Variants in ACBD6 observed in about 807,000 individuals in gnomAD.
ACBD6 encodes the protein acyl-CoA binding domain containing 6.
A neutral mutation model predicts 37.2 loss-of-function variants in ACBD6; 28 were observed. The ratio of observed to expected loss-of-function variants is 0.75; its 90% CI spans 0.56 to 1.03. The LOEUF (loss-of-function observed/expected upper bound fraction) is 1.03, where lower values mean the gene tolerates loss of function less well. Ranked by LOEUF, ACBD6 falls within the 50% of genes least tolerant of loss-of-function variation. The probability of loss-of-function intolerance (pLI) is 0.00; values close to 1 mark genes in which losing one functional copy is unlikely to be tolerated. For synonymous variants in ACBD6, 113 were observed against 126.8 expected (o/e 0.89, Z 0.73); for missense variants, 340 against 337.4 (o/e 1.01, Z -0.06).
rs1207717903 is a variant in ACBD6, at chr1:180,318,464, GTT to G, written c.664-3744_664-3743del. On this transcript the variant is annotated intron_variant, in intron 6 of 7. Coordinates refer to ENST00000367595, the MANE Select transcript of ACBD6 (RefSeq NM_032360.4). ...TATGCTTTTTGATTCTGGACTATAA[GTT>G]TATTTTAAGGGGGGTTTTATCTTTG... Among the ~76,000 whole-genome samples the G allele has an allele frequency of 2.0e-5, 3 of 152,122 alleles. No homozygotes were observed. In the East Asian group the frequency reaches 5.8e-4, roughly 29 times the overall value.
At chr1:180,492,739 T>C (rs1260673002) in intron 2 of ACBD6, among the ~76,000 whole-genome samples, 2 of 152,202 alleles carry the variant, frequency 1.3e-5, no homozygotes, top group Non-Finnish European at 2.9e-5. Flanking sequence ...CTAATAGAGA[T>C]TATTCTCATA....
At chr1:180,364,736 CT>C (rs10646954) in intron 6 of ACBD6, among the ~76,000 whole-genome samples, 28 of 140,862 alleles carry the variant, frequency 2.0e-4, no homozygotes, top group Admixed American at 2.9e-4. Context: ...TCCTTTCTAT[CT>C]TTTTTTTTTT....
intron 3 of ACBD6, among the ~76,000 whole-genome samples, chr1:180,471,898 G>C (rs1650584220): frequency 6.6e-6 from 1 of 152,152 alleles, no homozygotes. Flanking sequence ...ACCAAGTATG[G>C]TTGGTATAGC....
At chr1:180,453,808 GA>G (rs1279716483) in intron 3 of ACBD6, among the ~76,000 whole-genome samples, 1 of 151,970 alleles carries the variant, frequency 6.6e-6, no homozygotes, top group Non-Finnish European at 1.5e-5. Flanking sequence ...CTGCTACAAA[GA>G]AATTCCTAGG....
At chr1:180,421,857 G>A (rs555183880) in intron 4 of ACBD6, among the ~76,000 whole-genome samples, 23 of 151,174 alleles carry the variant, frequency 1.5e-4, no homozygotes, top group African/African-American at 5.6e-4. Context: ...ACTTTCTAAT[G>A]TTTTTTTTTC....
rs117016823 is a variant in ACBD6 at position 180,333,686 on chromosome 1, G to A, written c.664-18964C>T. Among the ~76,000 whole-genome samples, 99 of 152,324 alleles carry A rather than the reference G, an allele frequency of 6.5e-4. No homozygotes were observed. The East Asian group carries it at 0.016, about 25-fold the overall frequency. On this transcript the variant is annotated intron_variant, in intron 6 of 7. Transcript: ENST00000367595. Reference sequence around the variant, plus strand: ...GTGGGTGCAGGACAGTGAGTGCAGCGCACTGAGCGTGAGCCAAAGCAGGGC... The same window carrying A: ...GTGGGTGCAGGACAGTGAGTGCAGCACACTGAGCGTGAGCCAAAGCAGGGC...
intron 6 of ACBD6, among the ~76,000 whole-genome samples, chr1:180,359,823 T>C (rs916304357): frequency 2.6e-5 from 4 of 152,152 alleles, no homozygotes; most frequent in African/African-American, 9.7e-5. Context: ...CCAAAGTGCA[T>C]TTTAAGAACA....
At chr1:180,413,961 G>T (rs1558289220) in intron 4 of ACBD6, among the ~76,000 whole-genome samples, 1 of 152,074 alleles carries the variant, frequency 6.6e-6, no homozygotes, top group East Asian at 1.9e-4. Context: ...CTGCCAAATG[G>T]TACTACATTT....
intron 6 of ACBD6, among the ~76,000 whole-genome samples, chr1:180,392,864 G>A (rs1654127349): frequency 6.6e-6 from 1 of 151,180 alleles, no homozygotes; most frequent in Admixed American, 6.6e-5. Context: ...CAATTTATAT[G>A]TCATAAAGCC....
At chr1:180,389,905 CT>C (rs978977015) in intron 6 of ACBD6, among the ~76,000 whole-genome samples, 29 of 152,144 alleles carry the variant, frequency 1.9e-4, no homozygotes, top group African/African-American at 7.0e-4. Context: ...GATATTAGCC[CT>C]TTGTCAGATG....
intron 6 of ACBD6, among the ~76,000 whole-genome samples, chr1:180,339,869 C>A (rs1310257318): frequency 6.6e-6 from 1 of 151,174 alleles, no homozygotes; most frequent in Admixed American, 6.6e-5. Flanking sequence ...AAGAAAGATA[C>A]AGAATGCTGG....
Position 180,502,095 on chromosome 1 carries a change from G to A in ACBD6, c.172C>T (p.Gln58Ter), listed in dbSNP as rs1456262384. ...AAGAGCTGCTCCCTGCTGGCCACCT[G>A]AATCAGGCCTTGCAGGTGCGCGGCA... The part of the protein sequence containing the change: ...KAAAHLQGLI[Q>*]VASREQLLYL... Residue 58 changes from glutamine (Q) to a stop codon, truncating the protein, a stop_gained, in exon 1 of 8, where the codon CAG becomes TAG. Coordinates refer to ENST00000367595, the MANE Select transcript of ACBD6 (RefSeq NM_032360.4). LOFTEE classifies it high-confidence loss of function. 1.2e-6 allele frequency: 2 copies of A among 1,613,798 alleles called. No individual in the cohort carries two copies. The highest frequency in any genetic ancestry group is 1.7e-6 in the Non-Finnish European group (2 of 1,179,894).
chr1:180,445,438 T>A (rs1288336804), intron 3 of ACBD6, among the ~76,000 whole-genome samples: 2 of 152,254 alleles, frequency 1.3e-5, no homozygotes, highest in African/African-American at 4.8e-5. Context: ...TATGTGCTTA[T>A]ACTATCCAAC....
chr1:180,423,887 T>C (rs1648474803), intron 4 of ACBD6, among the ~76,000 whole-genome samples: 1 of 152,118 alleles, frequency 6.6e-6, no homozygotes, highest in Admixed American at 6.6e-5. Flanking sequence ...AGTTACATTC[T>C]CAACCATTAA....
intron 3 of ACBD6, among the ~76,000 whole-genome samples, chr1:180,457,719 A>G (rs1023707219): frequency 1.4e-4 from 22 of 152,186 alleles, no homozygotes; most frequent in African/African-American, 4.8e-4. Flanking sequence ...ATAATAAAAT[A>G]TAAAGACATA....
In ACBD6 at chr1:180,476,852, CA is replaced by C. The variant is rs199826834; in HGVS notation, c.384+15416del. 9.2e-4 allele frequency among the ~76,000 whole-genome samples: 139 copies of C among 151,332 alleles called. 4 individuals carry two copies. In the East Asian group the frequency reaches 0.025, roughly 27 times the overall value. On this transcript the variant is annotated intron_variant, in intron 3 of 7. Coordinates refer to ENST00000367595, the MANE Select transcript of ACBD6 (RefSeq NM_032360.4). ...AAAAAGCACAAAAAACAAAAACAAACAAAAAAAACAAGAAAACTCAAAAACA... is the reference window on the plus strand; with the variant it reads ...AAAAAGCACAAAAAACAAAAACAAACAAAAAAACAAGAAAACTCAAAAACA...
intron 6 of ACBD6, among the ~76,000 whole-genome samples, chr1:180,355,597 T>C (rs975593997): frequency 5.9e-5 from 9 of 152,178 alleles, no homozygotes; most frequent in African/African-American, 1.9e-4. Flanking sequence ...TCAAGTGAGG[T>C]TGATTGAATT....
chr1:180,360,693 CAA>C (rs58143915), intron 6 of ACBD6, among the ~76,000 whole-genome samples: 1 of 151,826 alleles, frequency 6.6e-6, no homozygotes, highest in Non-Finnish European at 1.5e-5. Flanking sequence ...TTAAATGTGA[CAA>C]AAAAATTATT....
intron 4 of ACBD6, among the ~76,000 whole-genome samples, chr1:180,413,898 T>G (rs1647968284): frequency 6.6e-6 from 1 of 152,186 alleles, no homozygotes; most frequent in East Asian, 1.9e-4. Context: ...TAATCTTTCA[T>G]GCAACTTCAC....
Sources: gnomAD v4.1 joint callset for allele counts (sites outside exome capture counted in the v4.1 genomes callset) on GRCh38, gnomAD v4.1.1 for gene constraint, MANE v1.5 for transcripts, NCBI Gene and HGNC (gene_info 2026-07-23, HGNC 2026-07-21) for gene names.